IL16: variants seen among roughly 807,000 people sequenced by gnomAD.
IL16 encodes the protein pro-interleukin-16.
A neutral mutation model predicts 110.1 loss-of-function variants in IL16; 67 were observed. That is an observed-to-expected ratio of 0.61 (90% CI 0.50 to 0.75). The LOEUF (loss-of-function observed/expected upper bound fraction) is 0.75. IL16 is among the 30% of genes least tolerant of loss of function. IL16 has a pLI of 0.00. For synonymous variants in IL16, 689 were observed against 662.9 expected, an observed-to-expected ratio of 1.04 and a Z score of -0.61; for missense variants, 1,545 against 1,655.0, an observed-to-expected ratio of 0.93 and a Z score of 1.15.
intron 6 of IL16, among the ~76,000 whole-genome samples, chr15:81,275,748 A>G (rs1045117951): frequency 6.6e-6 from 1 of 152,190 alleles, no homozygotes; most frequent in African/African-American, 2.4e-5. Flanking sequence ...AGCCTCAAAC[A>G]TTGACCAAAT....
chr15:81,282,320 G>T (rs1047060633), intron 8 of IL16, among the ~76,000 whole-genome samples: 5 of 152,202 alleles, frequency 3.3e-5, no homozygotes, highest in Admixed American at 6.5e-5. Context: ...TCACTTTCCA[G>T]CACATTCTGC....
chr15:81,246,340 C>T (rs890987795), intron 2 of IL16, among the ~76,000 whole-genome samples: 1 of 152,152 alleles, frequency 6.6e-6, no homozygotes, highest in Admixed American at 6.5e-5. Context: ...AACCATCTCC[C>T]CACCCCTAAC....
chr15:81,231,931 A>ATTCTGATCTATTAGTCTTTTATT (rs1237884478), intron 2 of IL16, among the ~76,000 whole-genome samples: 1 of 149,998 alleles, frequency 6.7e-6, no homozygotes, highest in Non-Finnish European at 1.5e-5. Context: ...TGGTTTCTCT[A>ATTCTGATCTATTAGTCTTTTATT]TTCTGATCTA....
chr15:81,184,849 A>C (rs958997394), intron 1 of IL16, among the ~76,000 whole-genome samples: 8 of 152,160 alleles, frequency 5.3e-5, no homozygotes, highest in Non-Finnish European at 1.2e-4. Flanking sequence ...TGGACTAGAC[A>C]TGGCCTCTAA....
chr15:81,206,003 A>G (rs1509546), intron 1 of IL16, among the ~76,000 whole-genome samples: 7,808 of 152,298 alleles, frequency 0.051, 686 homozygotes, highest in African/African-American at 0.18. Flanking sequence ...GCGTCGAAAT[A>G]TGTAAAACAA....
intron 1 of IL16, among the ~76,000 whole-genome samples, chr15:81,188,827 T>G (rs980653277): frequency 6.6e-6 from 1 of 152,002 alleles, no homozygotes; most frequent in African/African-American, 2.4e-5. Flanking sequence ...TGTCAGGTAC[T>G]ATGCTCAATA....
intron 10 of IL16, among the ~76,000 whole-genome samples, chr15:81,286,662 A>C (rs1899463996): frequency 1.3e-5 from 2 of 152,192 alleles, no homozygotes; most frequent in Non-Finnish European, 2.9e-5. Context: ...AGAAGACAGG[A>C]TAGAGTGGGT....
Position 81,300,027 on chromosome 15 carries a change from G to A in IL16, c.2701G>A (p.Glu901Lys), listed in dbSNP as rs890824074. Residue 901 changes from glutamate (E) to lysine (K), a missense_variant, in exon 14 of 19, where the codon GAG becomes AAG. Physicochemically the swap from Glu to Lys is moderately conservative, Grantham distance 56. Transcript: ENST00000683961. ...AAPTLVPQQP[E>K]QVLSSGSPAA... is the part of the protein sequence containing the mutation. ...ACCCACTCTTGTGCCCCAGCAGCCT[G>A]AGCAAGTACTGTCCTCGGGGTCCCC... 8.3e-6 allele frequency: 13 copies of A among 1,574,478 alleles called. 1 individual carries two copies. The East Asian group carries it at 2.7e-4, about 33-fold the overall frequency.
intron 10 of IL16, among the ~76,000 whole-genome samples, chr15:81,286,629 T>A (rs1899462811): frequency 6.6e-6 from 1 of 152,208 alleles, no homozygotes; most frequent in Non-Finnish European, 1.5e-5. Context: ...ATATTTTAAT[T>A]TTTAAACCTT....
At chr15:81,206,249 T>A in intron 1 of IL16, among the ~76,000 whole-genome samples, 1 of 152,168 alleles carries the variant, frequency 6.6e-6, no homozygotes, top group East Asian at 1.9e-4. Flanking sequence ...ACCTGGATGG[T>A]ATAGCCTACT....
chr15:81,216,215 C>G (rs761937726), intron 1 of IL16, among the ~76,000 whole-genome samples: 1 of 152,202 alleles, frequency 6.6e-6, no homozygotes, highest in Non-Finnish European at 1.5e-5. Context: ...CAGCTCCATG[C>G]TGTCTGAAGG....
rs374151171 is a variant in IL16 at position 81,296,937 on chromosome 15, G to C, written c.1912G>C (p.Glu638Gln). The change falls in exon 13 of 19, where the codon GAG (glutamate) becomes CAG (glutamine). Residue 638 changes from glutamate (E) to glutamine (Q), a missense_variant. Around this residue, in one of 3 missense-constraint regions of IL16, gnomAD observed 1,185 missense variants for 1,238.8 expected, o/e 0.96. Coordinates refer to ENST00000683961, the MANE Select transcript of IL16 (RefSeq NM_172217.5). ...TPPTCGQEAR[E>Q]LLPLLLPQED... ...CCTGTTTACACCACAGGAAGCGAGA[G>C]AGCTGCTGCCACTGCTGCTACCACA... is the stretch of plus-strand genomic sequence containing the variant. The C allele has an allele frequency of 1.4e-5, 22 of 1,610,880 alleles. No homozygotes were observed. The South Asian group carries it at 2.1e-4, about 15-fold the overall frequency.
At chr15:81,188,123 C>T (rs1429053279) in intron 1 of IL16, among the ~76,000 whole-genome samples, 1 of 152,174 alleles carries the variant, frequency 6.6e-6, no homozygotes, top group East Asian at 1.9e-4. Context: ...CTAGAGTTGT[C>T]CTCATATTTC....
intron 2 of IL16, among the ~76,000 whole-genome samples, chr15:81,248,174 T>A (rs1216047273): frequency 1.3e-5 from 2 of 152,202 alleles, no homozygotes; most frequent in Non-Finnish European, 2.9e-5. Flanking sequence ...TCTATTATTT[T>A]TGTTTGAATC....
At chr15:81,193,369 A>T (rs1357807511), upstream of IL16, among the ~76,000 whole-genome samples, 1 of 152,058 alleles carries the variant, frequency 6.6e-6, no homozygotes, top group Non-Finnish European at 1.5e-5. Context: ...CCAGCTGAAG[A>T]TGTTAAGCAA....
At chr15:81,216,697 G>C (rs932492125) in intron 1 of IL16, among the ~76,000 whole-genome samples, 1 of 152,174 alleles carries the variant, frequency 6.6e-6, no homozygotes, top group Non-Finnish European at 1.5e-5. Context: ...CAGCAATGAT[G>C]AGGCTGCCTA....
intron 2 of IL16, among the ~76,000 whole-genome samples, chr15:81,249,303 T>A (rs1897683348): frequency 6.6e-6 from 1 of 152,212 alleles, no homozygotes; most frequent in South Asian, 2.1e-4. Context: ...ATCATCATTC[T>A]TTGCCTCACA....
chr15:81,277,969 A>G (rs1201344086), intron 6 of IL16, among the ~76,000 whole-genome samples: 3 of 152,206 alleles, frequency 2.0e-5, no homozygotes, highest in African/African-American at 7.2e-5. Context: ...TTACAGGAAG[A>G]ATGATTCTCC....
intron 2 of IL16, among the ~76,000 whole-genome samples, chr15:81,258,771 C>CTA (rs112357896): frequency 0.1 from 15,305 of 149,892 alleles, 743 homozygotes; most frequent in Middle Eastern, 0.15. Context: ...CTCTCTCTCT[C>CTA]TCTATATATA....
Sources: gnomAD v4.1 joint callset for allele counts (sites outside exome capture counted in the v4.1 genomes callset) on GRCh38, gnomAD v4.1.1 for gene constraint, gnomAD v4.1.1 regional missense constraint, MANE v1.5 for transcripts, NCBI Gene and HGNC (gene_info 2026-07-23, HGNC 2026-07-21) for gene names.